The following CCSER1 variants were observed in gnomAD, a reference collection of about 807,000 sequenced individuals.
CCSER1 encodes the protein coiled-coil serine rich protein 1.
A neutral mutation model predicts 82.0 loss-of-function variants in CCSER1; 41 were observed. The observed-to-expected ratio is 0.50, with a 90% CI of 0.39 to 0.65. The LOEUF (loss-of-function observed/expected upper bound fraction) is 0.65, where lower values mean the gene tolerates loss of function less well. Ranked by LOEUF, CCSER1 falls within the 30% of genes least tolerant of loss-of-function variation. CCSER1 has a pLI of 0.00. For synonymous variants in CCSER1, 414 were observed against 383.9 expected, an observed-to-expected ratio of 1.08 and a Z score of -0.92; for missense variants, 1,119 against 1,064.2, an observed-to-expected ratio of 1.05 and a Z score of -0.72.
At chr4:90,828,986 T>C (rs538980063) in intron 8 of CCSER1, among the ~76,000 whole-genome samples, 2 of 152,166 alleles carry the variant, frequency 1.3e-5, no homozygotes, top group East Asian at 1.9e-4. Context: ...CAAACAAGCA[T>C]GTGGGGATGT....
At chr4:90,487,412 C>T (rs903440385) in intron 5 of CCSER1, among the ~76,000 whole-genome samples, 1 of 152,192 alleles carries the variant, frequency 6.6e-6, no homozygotes, top group African/African-American at 2.4e-5. Context: ...ACTTCCCTGA[C>T]AATTTTAATG....
At chr4:91,218,755 C>T (rs1255042489) in intron 10 of CCSER1, among the ~76,000 whole-genome samples, 2 of 152,180 alleles carry the variant, frequency 1.3e-5, no homozygotes, top group African/African-American at 4.8e-5. Flanking sequence ...GTAAGAATAT[C>T]GATAATATTG....
intron 8 of CCSER1, among the ~76,000 whole-genome samples, chr4:90,880,780 TC>T (rs1721186253): frequency 1.3e-5 from 2 of 152,060 alleles, no homozygotes; most frequent in East Asian, 3.9e-4. Context: ...CCTCAGATTT[TC>T]CTGTACCTGG....
chr4:90,147,253 A>C (rs1381977096), intron 1 of CCSER1, among the ~76,000 whole-genome samples: 1 of 148,072 alleles, frequency 6.8e-6, no homozygotes, highest in East Asian at 1.9e-4. Flanking sequence ...TTATTCTCAC[A>C]ACAACCCTAT....
chr4:91,248,781 A>G (rs1294905807), intron 10 of CCSER1, among the ~76,000 whole-genome samples: 1 of 141,516 alleles, frequency 7.1e-6, no homozygotes, highest in African/African-American at 2.8e-5. Flanking sequence ...ATAATGTATC[A>G]ATATTAATTA....
chr4:90,164,791 C>G (rs149775072), intron 1 of CCSER1, among the ~76,000 whole-genome samples: 1 of 152,036 alleles, frequency 6.6e-6, no homozygotes, highest in African/African-American at 2.4e-5. Context: ...ATAGTGAGCA[C>G]CCACCCATAC....
In CCSER1 at chr4:90,934,039, A is replaced by C. The variant is rs1371795939; in HGVS notation, c.2172+10592A>C. On this transcript the variant is annotated intron_variant, in intron 9 of 10. Coordinates refer to ENST00000509176, the MANE Select transcript of CCSER1 (RefSeq NM_001145065.2). ...CTAGCAATGGTATCTCTAGAAGTTTAACCTGAACATACACTTTCATATGTA... is the reference window on the plus strand; with the variant it reads ...CTAGCAATGGTATCTCTAGAAGTTTCACCTGAACATACACTTTCATATGTA... Among the ~76,000 whole-genome samples, 3 of 151,840 alleles carry C rather than the reference A, an allele frequency of 2.0e-5. No homozygotes were observed. The East Asian group carries it at 5.8e-4, about 29-fold the overall frequency.
intron 10 of CCSER1, among the ~76,000 whole-genome samples, chr4:91,589,616 T>G (rs1423464863): frequency 6.6e-6 from 1 of 150,564 alleles, no homozygotes; most frequent in Non-Finnish European, 1.5e-5. Context: ...GCCACTACAA[T>G]TGTTCACTTT....
intron 1 of CCSER1, among the ~76,000 whole-genome samples, chr4:90,209,356 C>T (rs1739514674): frequency 1.3e-5 from 2 of 152,020 alleles, no homozygotes; most frequent in African/African-American, 4.8e-5. Flanking sequence ...GGGATCTGGG[C>T]AATGAGTAGT....
At chr4:90,831,418 C>G (rs539529398) in intron 8 of CCSER1, among the ~76,000 whole-genome samples, 2 of 152,152 alleles carry the variant, frequency 1.3e-5, no homozygotes, top group African/African-American at 2.4e-5. Flanking sequence ...TATTGATGAG[C>G]ATTTATATAT....
chr4:90,956,764 T>C (rs941550243), intron 9 of CCSER1, among the ~76,000 whole-genome samples: 1 of 127,974 alleles, frequency 7.8e-6, no homozygotes, highest in Admixed American at 8.3e-5. Context: ...TTTCTTCCTC[T>C]TCTTTTTTTT....
intron 6 of CCSER1, among the ~76,000 whole-genome samples, chr4:90,717,202 T>C (rs1020968531): frequency 1.1e-4 from 16 of 152,168 alleles, no homozygotes; most frequent in African/African-American, 3.9e-4. Flanking sequence ...TGCTCACATC[T>C]ATTTTAAGGG....
At chr4:91,329,694 T>G (rs1158566314) in intron 10 of CCSER1, among the ~76,000 whole-genome samples, 1 of 152,194 alleles carries the variant, frequency 6.6e-6, no homozygotes, top group Non-Finnish European at 1.5e-5. Flanking sequence ...GTGTCTCTTC[T>G]CATTAGGGCA....
intron 8 of CCSER1, among the ~76,000 whole-genome samples, chr4:90,869,435 C>A (rs141774666): frequency 6.6e-6 from 1 of 151,938 alleles, no homozygotes; most frequent in East Asian, 1.9e-4. Flanking sequence ...CTAGTTTTCC[C>A]ACCACCATTT....
chr4:90,572,552 A>C, intron 5 of CCSER1, among the ~76,000 whole-genome samples: 1 of 151,800 alleles, frequency 6.6e-6, no homozygotes. Context: ...ATTTGTTTAA[A>C]TAACATATCT....
intron 9 of CCSER1, among the ~76,000 whole-genome samples, chr4:90,979,903 G>A (rs1474535038): frequency 2.0e-5 from 3 of 151,758 alleles, no homozygotes; most frequent in Non-Finnish European, 4.4e-5. Context: ...TAGCACCATT[G>A]TAGGTGCTGA....
chr4:91,241,966 G>A lies in CCSER1; in HGVS notation c.2217+155972G>A, dbSNP rs182516651. Among the ~76,000 whole-genome samples the A allele has an allele frequency of 7.3e-5, 11 of 151,288 alleles. No individual in the cohort carries two copies. The East Asian group carries it at 1.6e-3, about 21-fold the overall frequency. On this transcript the variant is annotated intron_variant, in intron 10 of 10. Transcript: ENST00000509176. ...ATATATTACACACACAACTGTGTGC[G>A]TATATATATATATTTATGTGCATAT...
At chr4:91,457,571 G>A (rs991177616) in intron 10 of CCSER1, among the ~76,000 whole-genome samples, 2 of 152,100 alleles carry the variant, frequency 1.3e-5, no homozygotes, top group African/African-American at 2.4e-5. Flanking sequence ...TTGAGAGGGT[G>A]AAGCTGGAAG....
At chr4:90,174,845 A>G (rs1465095532) in intron 1 of CCSER1, among the ~76,000 whole-genome samples, 1 of 151,992 alleles carries the variant, frequency 6.6e-6, no homozygotes, top group African/African-American at 2.4e-5. Context: ...AATTAAAAAG[A>G]TTGATTGTAT....
Sources: gnomAD v4.1 joint callset for allele counts (sites outside exome capture counted in the v4.1 genomes callset) on GRCh38, gnomAD v4.1.1 for gene constraint, MANE v1.5 for transcripts, NCBI Gene and HGNC (gene_info 2026-07-23, HGNC 2026-07-21) for gene names.